The following GRM3 variants were observed in gnomAD, a reference collection of about 807,000 sequenced individuals.
GRM3 encodes glutamate metabotropic receptor 3.
Under a neutral mutation model 70.5 loss-of-function variants are expected in GRM3, and 26 were observed. The ratio of observed to expected loss-of-function variants is 0.37; its 90% CI spans 0.27 to 0.51. The LOEUF is 0.51. Ranked by LOEUF, GRM3 falls within the 20% of genes least tolerant of loss-of-function variation. The probability of loss-of-function intolerance (pLI) is 0.93; values close to 1 mark genes in which losing one functional copy is unlikely to be tolerated. For synonymous variants in GRM3, 443 were observed against 434.9 expected, an observed-to-expected ratio of 1.02 and a Z score of -0.23; for missense variants, 859 against 1,123.8, an observed-to-expected ratio of 0.76 and a Z score of 3.37.
intron 1 of GRM3, among the ~76,000 whole-genome samples, chr7:86,702,544 G>T (rs973889959): frequency 1.3e-5 from 2 of 151,972 alleles, no homozygotes; most frequent in African/African-American, 4.8e-5. Context: ...TTCTGGAAAA[G>T]ATCAGAAGTA....
At chr7:86,734,262 T>C (rs1795805942) in intron 1 of GRM3, among the ~76,000 whole-genome samples, 1 of 152,182 alleles carries the variant, frequency 6.6e-6, no homozygotes, top group Non-Finnish European at 1.5e-5. Flanking sequence ...ATACAGTGTA[T>C]ATTGTTCTAA....
intron 3 of GRM3, among the ~76,000 whole-genome samples, chr7:86,788,730 A>G (rs1359650562): frequency 6.6e-6 from 1 of 152,230 alleles, no homozygotes; most frequent in Non-Finnish European, 1.5e-5. Flanking sequence ...CGTAAAAGGT[A>G]TCTGCAATGC....
chr7:86,851,799 G>C (rs1406186206), intron 5 of GRM3, among the ~76,000 whole-genome samples: 1 of 152,094 alleles, frequency 6.6e-6, no homozygotes, highest in Non-Finnish European at 1.5e-5. Context: ...AAGCCTGTGA[G>C]GTCGTTTTCC....
At chr7:86,654,524 A>G (rs1473398304) in intron 1 of GRM3, among the ~76,000 whole-genome samples, 1 of 152,154 alleles carries the variant, frequency 6.6e-6, no homozygotes, top group Non-Finnish European at 1.5e-5. Flanking sequence ...ATCTAAAGCC[A>G]AAAGCCCACT....
chr7:86,810,589 A>C (rs1797890308), intron 3 of GRM3, among the ~76,000 whole-genome samples: 1 of 152,032 alleles, frequency 6.6e-6, no homozygotes, highest in African/African-American at 2.4e-5. Context: ...TCTTGAAGAC[A>C]ATCTTTGCTT....
chr7:86,822,452 C>A (rs897825857), intron 3 of GRM3, among the ~76,000 whole-genome samples: 9 of 151,974 alleles, frequency 5.9e-5, no homozygotes, highest in Admixed American at 3.9e-4. Flanking sequence ...TTTGTGCTGG[C>A]CTTGAAGGAT....
At position 86,707,313 on chromosome 7, in the gene GRM3, G is replaced by A. The variant is rs1422658566; in HGVS notation, c.-140-57693G>A. On this transcript the variant is annotated intron_variant, in intron 1 of 5. Coordinates refer to ENST00000361669, the MANE Select transcript of GRM3 (RefSeq NM_000840.3). ...TCACTTACTTGCAGTGTGAACTTAG[G>A]CAGCTTGCTAAGTTCTCTAAATCTT... Among the ~76,000 whole-genome samples the A allele has an allele frequency of 2.0e-5, 3 of 151,994 alleles. No individual in the cohort carries two copies. The East Asian group carries it at 5.8e-4, about 29-fold the overall frequency.
chr7:86,820,019 G>A (rs114924750), intron 3 of GRM3, among the ~76,000 whole-genome samples: 1 of 152,082 alleles, frequency 6.6e-6, no homozygotes, highest in Non-Finnish European at 1.5e-5. Flanking sequence ...CTAGAACAAA[G>A]CTTTCATTTT....
At chr7:86,654,839 A>G (rs1426835410) in intron 1 of GRM3, among the ~76,000 whole-genome samples, 2 of 152,208 alleles carry the variant, frequency 1.3e-5, no homozygotes, top group Non-Finnish European at 2.9e-5. Flanking sequence ...ACTGTTCTAG[A>G]GATATTATAG....
chr7:86,713,134 A>T (rs559262207), intron 1 of GRM3, among the ~76,000 whole-genome samples: 50 of 152,134 alleles, frequency 3.3e-4, no homozygotes, highest in African/African-American at 1.2e-3. Flanking sequence ...CCTCATCAGC[A>T]TCTATTAGTT....
At chr7:86,838,358 C>CA (rs397968289) in intron 3 of GRM3, among the ~76,000 whole-genome samples, 1 of 151,794 alleles carries the variant, frequency 6.6e-6, no homozygotes, top group South Asian at 2.1e-4. Flanking sequence ...ATCTGTAATG[C>CA]AAAAAATGTT....
At chr7:86,741,092 A>G (rs1439269738) in intron 1 of GRM3, among the ~76,000 whole-genome samples, 1 of 152,184 alleles carries the variant, frequency 6.6e-6, no homozygotes, top group Non-Finnish European at 1.5e-5. Context: ...CTCCACCCAG[A>G]CCTTATGAAA....
intron 2 of GRM3, among the ~76,000 whole-genome samples, chr7:86,768,977 C>T (rs570831922): frequency 1.3e-5 from 2 of 152,238 alleles, no homozygotes; most frequent in Non-Finnish European, 2.9e-5. Flanking sequence ...TCCTTTGAAA[C>T]ATATATGTCC....
chr7:86,699,123 C>A (rs1794894403), intron 1 of GRM3, among the ~76,000 whole-genome samples: 1 of 151,992 alleles, frequency 6.6e-6, no homozygotes, highest in Non-Finnish European at 1.5e-5. Context: ...TAGATTGTTT[C>A]AGGAACCAGA....
At position 86,647,798 on chromosome 7, in the gene GRM3, T is replaced by G. The variant is rs1017243620; in HGVS notation, c.-141+2926T>G. On this transcript the variant is annotated intron_variant, in intron 1 of 5. Transcript: ENST00000361669. ...AAAAACTATTAGCTCATACCCCTCC[T>G]TCTACTTCTAATGTAGGCTTGGTCC... 3.3e-5 allele frequency among the ~76,000 whole-genome samples: 5 copies of G among 152,314 alleles called. No homozygotes were observed. In the South Asian group the frequency reaches 8.3e-4, roughly 25 times the overall value.
chr7:86,750,879 C>G (rs1303812158), intron 1 of GRM3, among the ~76,000 whole-genome samples: 1 of 151,858 alleles, frequency 6.6e-6, no homozygotes, highest in Non-Finnish European at 1.5e-5. Context: ...GAATGTATAC[C>G]TAAAAGGTCA....
At chr7:86,669,720 G>A (rs373898815) in intron 1 of GRM3, among the ~76,000 whole-genome samples, 2 of 152,106 alleles carry the variant, frequency 1.3e-5, no homozygotes, top group South Asian at 2.1e-4. Context: ...CTAAAAACAT[G>A]CCCAATATTT....
At chr7:86,683,804 A>G (rs761665811) in intron 1 of GRM3, among the ~76,000 whole-genome samples, 2 of 152,192 alleles carry the variant, frequency 1.3e-5, no homozygotes, top group African/African-American at 4.8e-5. Context: ...GAAGGTTTAA[A>G]TAAGAGTAGG....
chr7:86,839,960 G>A lies in GRM3; in HGVS notation c.2391+55G>A. 1 of 1,024,648 alleles carries A rather than the reference G, an allele frequency of 9.8e-7. No individual in the cohort carries two copies. Among genetic ancestry groups the A allele is most frequent in the South Asian group, 1.4e-5 (1 of 70,868 alleles). 63.5% of individuals were successfully genotyped at this position (1,024,648 alleles called of 1,614,324 possible). A position where few individuals can be genotyped will look rare whatever the true frequency, so the allele number is the denominator to read the frequency against. ...TGTTCTTTCTCCTCCAGTGTTTCTT[G>A]TGTAGTATTTAAAATAGACTCCTTT... On this transcript the variant is annotated intron_variant, in intron 4 of 5. Transcript: ENST00000361669. The surrounding 1 kb of genome is among the most constrained non-coding windows in gnomAD (Gnocchi z 4.5).
Sources: allele counts gnomAD v4.1 joint callset (sites outside exome capture counted in the v4.1 genomes callset), GRCh38; gene constraint gnomAD v4.1.1; non-coding constraint Gnocchi (gnomAD v3.1); transcripts MANE v1.5; gene names NCBI Gene and HGNC (gene_info 2026-07-23, HGNC 2026-07-21).